Variants in ALG14 observed in about 807,000 individuals in gnomAD.
The protein encoded by ALG14 is ALG14 UDP-N-acetylglucosaminyltransferase subunit, also known as UDP-N-acetylglucosamine transferase subunit ALG14.
Under a neutral mutation model 22.8 loss-of-function variants are expected in ALG14, and 17 were observed. That is an observed-to-expected ratio of 0.75 (90% confidence interval 0.51 to 1.12). The LOEUF (loss-of-function observed/expected upper bound fraction) is 1.12. Among genes scored for constraint, ALG14 ranks in the 50% most tolerant of loss-of-function variants. The pLI, the probability that ALG14 is intolerant of heterozygous loss-of-function variation, is 0.00. For synonymous variants in ALG14, 89 were observed against 103.7 expected, an observed-to-expected ratio of 0.86 and a Z score of 0.86; for missense variants, 288 against 271.8, an observed-to-expected ratio of 1.06 and a Z score of -0.42.
intron 2 of ALG14, among the ~76,000 whole-genome samples, chr1:95,062,639 T>A (rs1249044208): frequency 6.6e-6 from 1 of 152,244 alleles, no homozygotes; most frequent in Non-Finnish European, 1.5e-5. Context: ...TTGTTCCTTT[T>A]TATTGCTGCA....
At chr1:95,056,743 A>C (rs960990992) in intron 2 of ALG14, among the ~76,000 whole-genome samples, 1 of 152,030 alleles carries the variant, frequency 6.6e-6, no homozygotes, top group African/African-American at 2.4e-5. Flanking sequence ...TGGATTCCTA[A>C]AGGAAAATAT....
At chr1:95,035,344 G>A (rs1012706474) in intron 2 of ALG14, among the ~76,000 whole-genome samples, 16 of 151,938 alleles carry the variant, frequency 1.1e-4, no homozygotes, top group African/African-American at 7.3e-5. Flanking sequence ...ATTCTCTATC[G>A]TATAGAAGAA....
chr1:95,054,289 C>T (rs1674855819), intron 2 of ALG14, among the ~76,000 whole-genome samples: 1 of 152,106 alleles, frequency 6.6e-6, no homozygotes, highest in South Asian at 2.1e-4. Flanking sequence ...TCATGATCTC[C>T]TTGGTACAGT....
At chr1:95,005,707 T>C (rs1344754059) in intron 3 of ALG14, among the ~76,000 whole-genome samples, 2 of 152,274 alleles carry the variant, frequency 1.3e-5, no homozygotes, top group East Asian at 1.9e-4. Context: ...CCCGTCCTCC[T>C]AGAGTTCACT....
chr1:95,059,181 G>A (rs12071285), intron 2 of ALG14, among the ~76,000 whole-genome samples: 3,101 of 151,922 alleles, frequency 0.02, 102 homozygotes, highest in African/African-American at 0.072. Context: ...AGCGGATGAC[G>A]AGGTCAGGAG....
chr1:94,996,372 A>G (rs1451589273), intron 3 of ALG14, among the ~76,000 whole-genome samples: 1 of 152,172 alleles, frequency 6.6e-6, no homozygotes, highest in Non-Finnish European at 1.5e-5. Context: ...TGTGTGTGTT[A>G]AAGAGGAAAA....
At chr1:95,012,417 G>C (rs1673392713) in intron 3 of ALG14, among the ~76,000 whole-genome samples, 1 of 152,200 alleles carries the variant, frequency 6.6e-6, no homozygotes, top group Non-Finnish European at 1.5e-5. Flanking sequence ...ACTCGGAACT[G>C]AACTCACACA....
At chr1:95,050,585 G>C (rs1028345097) in intron 2 of ALG14, among the ~76,000 whole-genome samples, 3 of 152,126 alleles carry the variant, frequency 2.0e-5, no homozygotes, top group Non-Finnish European at 4.4e-5. Context: ...GAAGGAAACG[G>C]AAGTCCCTAA....
At chr1:95,032,400 G>C (rs1183032225) in intron 2 of ALG14, among the ~76,000 whole-genome samples, 2 of 152,158 alleles carry the variant, frequency 1.3e-5, no homozygotes, top group Non-Finnish European at 2.9e-5. Context: ...GGCTGGGGTA[G>C]TGCAGGGAAT....
chr1:95,055,796 T>A (rs1209140062), intron 2 of ALG14, among the ~76,000 whole-genome samples: 1 of 118,540 alleles, frequency 8.4e-6, no homozygotes. Context: ...ATTGAGACCA[T>A]CCTGGTTAAC....
chr1:95,002,443 CA>C (rs1673094424), intron 3 of ALG14, among the ~76,000 whole-genome samples: 1 of 151,782 alleles, frequency 6.6e-6, no homozygotes, highest in South Asian at 2.1e-4. Flanking sequence ...GGAGGATGAA[CA>C]TAAAAACGCC....
intron 3 of ALG14, among the ~76,000 whole-genome samples, chr1:95,024,259 G>A (rs907519376): frequency 3.9e-5 from 6 of 152,142 alleles, no homozygotes; most frequent in African/African-American, 9.7e-5. Context: ...TTATAGGCAT[G>A]AGCGACCGCG....
chr1:94,976,731 CT>C lies in ALG14; in HGVS notation c.*6344del, dbSNP rs992332383. On this transcript the variant is annotated 3_prime_UTR_variant, in exon 4 of 4. Coordinates refer to ENST00000370205, the MANE Select transcript of ALG14 (RefSeq NM_144988.4). The stretch of plus-strand genomic sequence containing the variant: ...AAGATGTCCCCTAATATTCCACCCC[CT>C]GATTTACATGCCCTGGATAATCTAC... The C allele has an allele frequency of 3.9e-5, 6 of 152,022 alleles. No individual in the cohort carries two copies. Among genetic ancestry groups the C allele is most frequent in the Admixed American group, 3.3e-4 (5 of 15,246 alleles). The allele number at this position is 152,022 out of a possible 1,614,324, so 9.4% of individuals were successfully genotyped here.
chr1:95,030,820 G>A (rs1673976906), intron 2 of ALG14, among the ~76,000 whole-genome samples: 1 of 152,190 alleles, frequency 6.6e-6, no homozygotes, highest in Non-Finnish European at 1.5e-5. Context: ...GAGCAGCTAA[G>A]AAAATGGGTT....
chr1:95,063,920 A>C (rs1343965238), intron 2 of ALG14, among the ~76,000 whole-genome samples: 2 of 152,202 alleles, frequency 1.3e-5, no homozygotes, highest in Non-Finnish European at 2.9e-5. Flanking sequence ...TGAGCATGGA[A>C]TGTATTTCCA....
chr1:95,038,803 TGACC>T (rs1674286786), intron 2 of ALG14, among the ~76,000 whole-genome samples: 1 of 151,650 alleles, frequency 6.6e-6, no homozygotes, highest in Admixed American at 6.6e-5. Flanking sequence ...ACTGCATCCT[TGACC>T]TCCTGGGCTC....
At chr1:95,052,142 T>A (rs1674771225) in intron 2 of ALG14, among the ~76,000 whole-genome samples, 1 of 152,118 alleles carries the variant, frequency 6.6e-6, no homozygotes. Context: ...CCAAGACATA[T>A]TTTCAGGTAA....
chr1:95,017,694 C>T (rs774332541), intron 3 of ALG14, among the ~76,000 whole-genome samples: 9 of 152,186 alleles, frequency 5.9e-5, no homozygotes, highest in East Asian at 1.9e-4. Flanking sequence ...ACCACCTTCT[C>T]GAAGGCCCCT....
rs1673844924 is a variant in ALG14 at position 95,027,160 on chromosome 1, A to ATT, written c.388_389insAA (p.Phe130Ter). 1.2e-5 allele frequency: 19 copies of ATT among 1,614,126 alleles called. No individual in the cohort carries two copies. The highest frequency in any genetic ancestry group is 1.6e-5 in the Non-Finnish European group (19 of 1,180,002). ...FTTLHSMWLS[F>*]PLIHRVKPDL... Reference sequence around the variant, plus strand: ...TGGCTTCACCCTGTGAATTAGGGGAAAGGAGAGCCACATGGAGTGCAAGGT... The same window carrying ATT: ...TGGCTTCACCCTGTGAATTAGGGGAATTAGGAGAGCCACATGGAGTGCAAGGT... The change falls in exon 3 of 4, where the codon TTT becomes TAATT. Residue 130 changes from phenylalanine (F) to a stop codon, truncating the protein, a stop_gained and frameshift_variant. Coordinates refer to ENST00000370205, the MANE Select transcript of ALG14 (RefSeq NM_144988.4). LOFTEE classifies it high-confidence loss of function.
Sources: gnomAD v4.1 joint callset for allele counts (sites outside exome capture counted in the v4.1 genomes callset) on GRCh38, gnomAD v4.1.1 for gene constraint, MANE v1.5 for transcripts, NCBI Gene and HGNC (gene_info 2026-07-23, HGNC 2026-07-21) for gene names.